PSPC1: variants seen among roughly 807,000 people sequenced by gnomAD.
The protein encoded by PSPC1 is paraspeckle protein 1.
PSPC1 carries 14 observed loss-of-function variants against 51.6 expected under a neutral mutation model. The ratio of observed to expected loss-of-function variants is 0.27; its 90% CI spans 0.18 to 0.42. The LOEUF (loss-of-function observed/expected upper bound fraction) is 0.42. PSPC1 is among the 10% of genes least tolerant of loss of function. The pLI, the probability that PSPC1 is intolerant of heterozygous loss-of-function variation, is 1.00. For synonymous variants in PSPC1, 193 were observed against 231.9 expected (o/e 0.83, Z 1.53); for missense variants, 406 against 701.1 (o/e 0.58, Z 4.75).
Position 19,709,024 on chromosome 13 carries a change from C to T in PSPC1, c.1216+518G>A, listed in dbSNP as rs188686094. ...CTAAAAATACAAAAAATAAGCCAGG[C>T]GTGGTGGCACATGCCTGTAGTCCCA... is the stretch of plus-strand genomic sequence containing the variant. On this transcript the variant is annotated intron_variant, in intron 7 of 8. Transcript: ENST00000338910. Among the ~76,000 whole-genome samples, 170 of 151,944 alleles carry T rather than the reference C, an allele frequency of 1.1e-3. 2 individuals carry two copies. Among genetic ancestry groups the T allele is most frequent in the Admixed American group, 9.8e-3 (149 of 15,252 alleles).
At chr13:19,693,111 C>T (rs1014883786) in intron 6 of PSPC1, among the ~76,000 whole-genome samples, 2 of 152,142 alleles carry the variant, frequency 1.3e-5, no homozygotes, top group African/African-American at 4.8e-5. Flanking sequence ...TCTTAGCGTC[C>T]TCCCCTTAGA....
rs577398616 is a variant in PSPC1 at position 19,682,564 on chromosome 13, G to C, written c.1159-4741C>G. ...TATCGGAAAATGTTCACAACGTCAG[G>C]CTCACTAAAAAAAGTTATGAGGAAA... On this transcript the variant is annotated intron_variant and NMD_transcript_variant, in intron 6 of 7. Coordinates refer to the PSPC1 transcript ENST00000471658. 8.7e-5 allele frequency among the ~76,000 whole-genome samples: 13 copies of C among 150,166 alleles called. No homozygotes were observed. The South Asian group carries it at 2.5e-3, about 29-fold the overall frequency.
intron 2 of PSPC1, among the ~76,000 whole-genome samples, chr13:19,765,344 A>AATAATAATTATT (rs1555248074): frequency 5.0e-5 from 7 of 141,370 alleles, no homozygotes; most frequent in South Asian, 2.2e-4. Context: ...TAATAATAAT[A>AATAATAATTATT]ATTATTATTA....
intron 3 of PSPC1, among the ~76,000 whole-genome samples, chr13:19,755,166 G>A (rs1886944393): frequency 6.6e-6 from 1 of 151,876 alleles, no homozygotes; most frequent in Admixed American, 6.6e-5. Context: ...AGACCAGGAG[G>A]TAGAGGCTGC....
intron 7 of PSPC1, among the ~76,000 whole-genome samples, chr13:19,708,037 T>C (rs538341463): frequency 1.3e-5 from 2 of 152,336 alleles, no homozygotes; most frequent in African/African-American, 4.8e-5. Flanking sequence ...AATTTCACAA[T>C]TAAGTTCTTT....
intron 2 of PSPC1, among the ~76,000 whole-genome samples, chr13:19,767,506 C>T (rs1888187311): frequency 6.6e-6 from 1 of 151,944 alleles, no homozygotes; most frequent in Non-Finnish European, 1.5e-5. Flanking sequence ...TACAAAGAAC[C>T]TAAATAGCCA....
At chr13:19,749,438 A>G (rs1886310554) in intron 4 of PSPC1, among the ~76,000 whole-genome samples, 1 of 151,294 alleles carries the variant, frequency 6.6e-6, no homozygotes, top group South Asian at 2.1e-4. Flanking sequence ...GAGGCACGAG[A>G]ATTGCCTCAA....
intron 4 of PSPC1, among the ~76,000 whole-genome samples, chr13:19,748,658 T>C (rs750747786): frequency 3.6e-4 from 55 of 152,062 alleles, no homozygotes; most frequent in Admixed American, 6.6e-4. Flanking sequence ...GTGAATGTTA[T>C]ACCACTGTTC....
downstream of PSPC1, among the ~76,000 whole-genome samples, chr13:19,700,319 C>T (rs536459689): frequency 2.2e-4 from 34 of 152,094 alleles, no homozygotes; most frequent in South Asian, 6.6e-3. Flanking sequence ...AGTCACTGTC[C>T]TTGTTTACAA....
chr13:19,743,821 G>A (rs879578230), intron 4 of PSPC1, among the ~76,000 whole-genome samples: 2 of 152,024 alleles, frequency 1.3e-5, no homozygotes, highest in Admixed American at 6.6e-5. Context: ...TTAAATACCT[G>A]ACCAGTATTT....
intron 6 of PSPC1, among the ~76,000 whole-genome samples, chr13:19,725,133 C>T (rs1005672878): frequency 2.6e-5 from 4 of 152,104 alleles, no homozygotes; most frequent in Non-Finnish European, 5.9e-5. Context: ...GCCAAGATCA[C>T]GCCACTGAAC....
At chr13:19,673,845 A>AAAG (rs1170273320), downstream of PSPC1, among the ~76,000 whole-genome samples, 1 of 152,236 alleles carries the variant, frequency 6.6e-6, no homozygotes, top group African/African-American at 2.4e-5. Flanking sequence ...CACCTTACCA[A>AAAG]AAGGTTTATT....
At chr13:19,742,188 C>T (rs1421096465) in intron 4 of PSPC1, among the ~76,000 whole-genome samples, 1 of 144,520 alleles carries the variant, frequency 6.9e-6, no homozygotes, top group Admixed American at 7.3e-5. Context: ...TGGCTGGGCG[C>T]GGTGGCTCAC....
intron 6 of PSPC1, among the ~76,000 whole-genome samples, chr13:19,713,011 C>A (rs1214577213): frequency 6.6e-6 from 1 of 152,070 alleles, no homozygotes; most frequent in African/African-American, 2.4e-5. Flanking sequence ...TGAAATACAG[C>A]ATTCTTCACT....
chr13:19,757,781 C>A (rs1263314928), intron 3 of PSPC1, among the ~76,000 whole-genome samples: 1 of 152,078 alleles, frequency 6.6e-6, no homozygotes, highest in African/African-American at 2.4e-5. Context: ...CATTCCTCCC[C>A]TGCAAAAAAA....
At chr13:19,770,860 G>A (rs1421538073) in intron 2 of PSPC1, among the ~76,000 whole-genome samples, 1 of 151,144 alleles carries the variant, frequency 6.6e-6, no homozygotes, top group East Asian at 1.9e-4. Flanking sequence ...GATCGCCACT[G>A]CACTGCAGCC....
chr13:19,738,905 CA>C (rs35177083), intron 5 of PSPC1, among the ~76,000 whole-genome samples: 38,398 of 111,920 alleles, frequency 0.34, 6,537 homozygotes, highest in Non-Finnish European at 0.46. Context: ...GACTCCATCT[CA>C]AAAAAAAAAA....
intron 5 of PSPC1, among the ~76,000 whole-genome samples, chr13:19,730,946 G>GGAAAAAAAAAAAAAAAAAA (rs1463819333): frequency 4.0e-5 from 1 of 25,222 alleles, no homozygotes; most frequent in Non-Finnish European, 1.0e-4. Flanking sequence ...CCCTGTCTCA[G>GGAAAAAAAAAAAAAAAAAA]AAAAAAAAAA....
At chr13:19,732,591 T>C (rs892879551) in intron 5 of PSPC1, among the ~76,000 whole-genome samples, 27 of 152,162 alleles carry the variant, frequency 1.8e-4, no homozygotes, top group African/African-American at 6.3e-4. Flanking sequence ...ACTTTTGCCA[T>C]CAAATGGATT....
Sources: gnomAD v4.1 joint callset for allele counts (sites outside exome capture counted in the v4.1 genomes callset) on GRCh38, gnomAD v4.1.1 for gene constraint, MANE v1.5 for transcripts, NCBI Gene and HGNC (gene_info 2026-07-23, HGNC 2026-07-21) for gene names.